The following WDR4 variants were observed in gnomAD, a reference collection of about 807,000 sequenced individuals.
WDR4 encodes the protein tRNA (guanine-N(7)-)-methyltransferase non-catalytic subunit WDR4.
In WDR4, 47 loss-of-function variants were observed where a neutral mutation model predicts 48.6. The ratio of observed to expected loss-of-function variants is 0.97; its 90% CI spans 0.77 to 1.23. The LOEUF (loss-of-function observed/expected upper bound fraction) is 1.23, where lower values mean the gene tolerates loss of function less well. Ranked by LOEUF, WDR4 falls within the 50% of genes most tolerant of loss-of-function variation. The pLI, the probability that WDR4 is intolerant of heterozygous loss-of-function variation, is 0.00. For missense variants in WDR4, 606 were observed against 551.6 expected, an observed-to-expected ratio of 1.10 and a Z score of -0.99; for synonymous variants, 268 against 230.0, an observed-to-expected ratio of 1.17 and a Z score of -1.49.
At chr21:42,892,487 G>C in the WDR4 span, among the ~76,000 whole-genome samples, 1 of 124,348 alleles carries the variant, frequency 8.0e-6, no homozygotes, top group Admixed American at 7.3e-5. Context: ...TCAATGAATC[G>C]CTAGCTGTGT....
chr21:42,846,184 A>G (rs1438956450), downstream of WDR4, among the ~76,000 whole-genome samples: 2 of 152,152 alleles, frequency 1.3e-5, no homozygotes, highest in African/African-American at 4.8e-5. Context: ...ACTATTCCTA[A>G]CAGCCAAACT....
chr21:42,891,270 C>T, the WDR4 span, among the ~76,000 whole-genome samples: 1 of 150,674 alleles, frequency 6.6e-6, no homozygotes, highest in African/African-American at 2.4e-5. Context: ...TGCAGTAAGC[C>T]GAGATTGCCC....
the WDR4 span, among the ~76,000 whole-genome samples, chr21:42,891,919 T>C: frequency 6.6e-6 from 1 of 150,424 alleles, no homozygotes; most frequent in East Asian, 2.0e-4. Flanking sequence ...ATTGTGCCAC[T>C]GTACTCCAGC....
downstream of WDR4, among the ~76,000 whole-genome samples, chr21:42,846,987 G>A (rs1479276408): frequency 6.6e-6 from 1 of 151,240 alleles, no homozygotes; most frequent in African/African-American, 2.4e-5. Context: ...GCAGTGAGCC[G>A]AGATTGTGCC....
rs1339124260 is a variant in WDR4 at position 42,850,043 on chromosome 21, C to G, written c.*6G>C. The G allele has an allele frequency of 6.2e-7, 1 of 1,613,614 alleles. No individual in the cohort carries two copies. ...TTGAGGTGAGAGACACCACTGACCGCCACGATCAGCAACTTAGCGTCGCCT... is the reference window on the plus strand; with the variant it reads ...TTGAGGTGAGAGACACCACTGACCGGCACGATCAGCAACTTAGCGTCGCCT... On this transcript the variant is annotated 3_prime_UTR_variant, in exon 11 of 11. Coordinates refer to ENST00000398208, the MANE Select transcript of WDR4 (RefSeq NM_018669.6).
chr21:42,883,519 T>C (rs1176612927), upstream of WDR4: 2 of 153,676 alleles, frequency 1.3e-5, no homozygotes, highest in African/African-American at 4.8e-5. Flanking sequence ...AAAGGGTCTT[T>C]TCTAATGTGA....
intron 1 of WDR4, among the ~76,000 whole-genome samples, chr21:42,878,277 T>C (rs1244996553): frequency 6.6e-6 from 1 of 152,138 alleles, no homozygotes; most frequent in Non-Finnish European, 1.5e-5. Context: ...TACATATTTA[T>C]AGCCTTTAAA....
In WDR4 at chr21:42,863,538, C is replaced by T. The variant is rs1213958244; in HGVS notation, c.355G>A (p.Val119Met). The change falls in exon 4 of 11, where the codon GTG becomes ATG. Residue 119 changes from valine to methionine, a missense_variant. Val to Met is a conservative substitution (Grantham distance 21, BLOSUM62 1). Transcript: ENST00000398208. ...TFIASEEKVLVADKSGDVYSF... is the reference protein window; with the variant it reads ...TFIASEEKVLMADKSGDVYSF... ...TAGACGTCTCCAGACTTGTCGGCCA[C>T]CAAGACCTTCTCCTCCGAGGCTATG... 1 of 1,613,970 alleles carries T rather than the reference C, an allele frequency of 6.2e-7. No individual in the cohort carries two copies. The highest frequency in any genetic ancestry group is 1.3e-5 in the African/African-American group (1 of 74,888).
the WDR4 span, among the ~76,000 whole-genome samples, chr21:42,884,985 AG>A: frequency 6.6e-6 from 1 of 152,044 alleles, no homozygotes; most frequent in Non-Finnish European, 1.5e-5. Flanking sequence ...CATGTTGGCC[AG>A]GCTGGTCTCG....
intron 3 of WDR4, among the ~76,000 whole-genome samples, chr21:42,869,002 G>A (rs1185929836): frequency 1.3e-5 from 2 of 152,194 alleles, no homozygotes; most frequent in African/African-American, 4.8e-5. Flanking sequence ...TGTCAACACT[G>A]CCCTGGCGGG....
In WDR4 at chr21:42,859,693, G is replaced by C; in HGVS notation, c.596C>G (p.Thr199Ser). ...EFVSRISVVP[T>S]QPGLLLSSSG... Reference sequence around the variant, plus strand: ...GGAGGACAGAAGCAGCCCGGGCTGAGTTGGCACCACGGAGATACGGCTCAC... The same window carrying C: ...GGAGGACAGAAGCAGCCCGGGCTGACTTGGCACCACGGAGATACGGCTCAC... The change falls in exon 6 of 11, where the codon ACT becomes AGT. Residue 199 changes from threonine (T) to serine (S), a missense_variant. Thr to Ser is a moderately conservative substitution (Grantham distance 58, BLOSUM62 1). Coordinates refer to ENST00000398208, the MANE Select transcript of WDR4 (RefSeq NM_018669.6). The C allele has an allele frequency of 2.6e-6, 4 of 1,563,528 alleles. No homozygotes were observed. Among genetic ancestry groups the C allele is most frequent in the Non-Finnish European group, 3.5e-6 (4 of 1,154,042 alleles).
At position 42,850,143 on chromosome 21, in the gene WDR4, T is replaced by C. The variant is rs1569310960; in HGVS notation, c.1145A>G (p.Gln382Arg). Residue 382 changes from glutamine (Q) to arginine (R), a missense_variant, in exon 11 of 11, where the codon CAG (glutamine) becomes CGG (arginine). Transcript: ENST00000398208. ...CCGGCGCCGCTGCTTCTTCTCTAGC[T>C]GCTGCTGCAGTCTCTCCTCTTTCTT... is the stretch of plus-strand genomic sequence containing the variant. ...LKKKEERLQQQLEKKQRRRSP... is the reference protein window; with the variant it reads ...LKKKEERLQQRLEKKQRRRSP... The C allele has an allele frequency of 6.2e-7, 1 of 1,612,910 alleles. No individual in the cohort carries two copies. Among genetic ancestry groups the C allele is most frequent in the African/African-American group, 1.3e-5 (1 of 74,904 alleles).
downstream of WDR4, among the ~76,000 whole-genome samples, chr21:42,846,281 G>A (rs919042434): frequency 6.6e-6 from 1 of 152,210 alleles, no homozygotes; most frequent in Non-Finnish European, 1.5e-5. Context: ...ACAGAGCACT[G>A]AGAATGAACA....
intron 6 of WDR4, 46 bp downstream of exon 6, chr21:42,859,616 C>G: frequency 8.0e-7 from 1 of 1,256,680 alleles, no homozygotes; most frequent in Non-Finnish European, 1.1e-6. Context: ...ACCCTCCCTG[C>G]AGGCTCAAGA....
At chr21:42,863,717 C>G (rs2058173337) in intron 3 of WDR4, 121 bp from the exon 4 acceptor site, 1 of 1,198,402 alleles carries the variant, frequency 8.3e-7, no homozygotes, top group African/African-American at 1.5e-5. Flanking sequence ...TGTTTTCCAG[C>G]TGCTGAAGGT....
intron 10 of WDR4, 31 bp downstream of exon 10, chr21:42,852,224 C>G: frequency 6.2e-7 from 1 of 1,612,938 alleles, no homozygotes; most frequent in African/African-American, 1.3e-5. Context: ...TGGGTGTGAC[C>G]CCCAAGGGCA....
intron 2 of WDR4, among the ~76,000 whole-genome samples, chr21:42,876,114 T>C (rs544100225): frequency 8.6e-5 from 13 of 151,938 alleles, no homozygotes; most frequent in African/African-American, 2.4e-4. Flanking sequence ...TTTCATCACA[T>C]TGGCAAGGCT....
chr21:42,886,699 T>C, the WDR4 span: 1 of 152,250 alleles, frequency 6.6e-6, no homozygotes, highest in Non-Finnish European at 1.5e-5. Flanking sequence ...CCCGCCGAGC[T>C]TTACATTTGT....
chr21:42,847,112 CTAAAAG>C (rs2057717272), downstream of WDR4, among the ~76,000 whole-genome samples: 1 of 151,984 alleles, frequency 6.6e-6, no homozygotes, highest in African/African-American at 2.4e-5. Context: ...AAGGAATGTC[CTAAAAG>C]TAAAATACAT....
Sources: allele counts gnomAD v4.1 joint callset (sites outside exome capture counted in the v4.1 genomes callset), GRCh38; gene constraint gnomAD v4.1.1; transcripts MANE v1.5; gene names NCBI Gene and HGNC (gene_info 2026-07-23, HGNC 2026-07-21).